PALM2AKAP2: variants seen among roughly 807,000 people sequenced by gnomAD.
PALM2AKAP2 encodes PALM2 and AKAP2 fusion.
Under a neutral mutation model 71.5 loss-of-function variants are expected in PALM2AKAP2, and 37 were observed. The observed-to-expected ratio is 0.52, with a 90% CI of 0.40 to 0.68. The LOEUF (loss-of-function observed/expected upper bound fraction) is 0.68, where lower values mean the gene tolerates loss of function less well. Among genes scored for constraint, PALM2AKAP2 ranks in the 30% least tolerant of loss-of-function variants. PALM2AKAP2 has a pLI of 0.00. For synonymous variants in PALM2AKAP2, 468 were observed against 478.8 expected, an observed-to-expected ratio of 0.98 and a Z score of 0.29; for missense variants, 1,224 against 1,191.8, an observed-to-expected ratio of 1.03 and a Z score of -0.40.
chr9:109,821,294 C>T (rs1827994291), intron 1 of PALM2AKAP2, among the ~76,000 whole-genome samples: 1 of 152,168 alleles, frequency 6.6e-6, no homozygotes, highest in Non-Finnish European at 1.5e-5. Flanking sequence ...AACAAACCTG[C>T]ACATTGTACA....
At chr9:110,075,853 A>G (rs1375828663) in intron 1 of PALM2AKAP2, among the ~76,000 whole-genome samples, 1 of 152,052 alleles carries the variant, frequency 6.6e-6, no homozygotes, top group African/African-American at 2.4e-5. Flanking sequence ...GACATGTTAT[A>G]TAATTTATAT....
At chr9:110,104,375 G>A (rs565038312) in intron 1 of PALM2AKAP2, among the ~76,000 whole-genome samples, 12 of 152,158 alleles carry the variant, frequency 7.9e-5, no homozygotes, top group African/African-American at 2.9e-4. Context: ...GCTACTGTAA[G>A]GGCAGTTCTT....
chr9:109,711,147 G>A (rs1193255601), intron 1 of PALM2AKAP2, among the ~76,000 whole-genome samples: 1 of 145,716 alleles, frequency 6.9e-6, no homozygotes, highest in Non-Finnish European at 1.5e-5. Context: ...AAGAGGGAAT[G>A]ACCTTGTTCT....
In PALM2AKAP2 at chr9:109,959,047, C is replaced by T. The variant is rs896165259; in HGVS notation, c.496+27019C>T. Among the ~76,000 whole-genome samples the T allele has an allele frequency of 3.3e-5, 5 of 152,246 alleles. No homozygotes were observed. The East Asian group carries it at 9.6e-4, about 29-fold the overall frequency. On this transcript the variant is annotated intron_variant, in intron 6 of 9. Transcript: ENST00000302798. ...CTTTCTCCTTGGAGACTTGGCAAACCCCCCCACCTTGAGGGAGAATACTGC... is the reference window on the plus strand; with the variant it reads ...CTTTCTCCTTGGAGACTTGGCAAACTCCCCCACCTTGAGGGAGAATACTGC...
intron 6 of PALM2AKAP2, among the ~76,000 whole-genome samples, chr9:109,938,155 T>C (rs960445060): frequency 6.6e-6 from 1 of 152,238 alleles, no homozygotes; most frequent in Admixed American, 6.5e-5. Flanking sequence ...TATTGGTTCA[T>C]ATGCACTCTA....
rs1831735655 is a variant in PALM2AKAP2 at position 109,955,810 on chromosome 9, A to G, written c.496+23782A>G. Among the ~76,000 whole-genome samples, 3 of 151,934 alleles carry G rather than the reference A, an allele frequency of 2.0e-5. No homozygotes were observed. The South Asian group carries it at 6.2e-4, about 32-fold the overall frequency. ...AAATTAGCTGGGTGTAGTGGTGCGTATCTGTGGTCCCAGCTATTCAGGAGG... is the reference window on the plus strand; with the variant it reads ...AAATTAGCTGGGTGTAGTGGTGCGTGTCTGTGGTCCCAGCTATTCAGGAGG... On this transcript the variant is annotated intron_variant, in intron 6 of 9. Transcript: ENST00000302798.
intron 1 of PALM2AKAP2, among the ~76,000 whole-genome samples, chr9:109,722,313 C>A (rs773221049): frequency 6.6e-6 from 1 of 152,150 alleles, no homozygotes; most frequent in Non-Finnish European, 1.5e-5. Context: ...TATCCAATTT[C>A]TTGTAATATG....
At chr9:109,676,620 C>T (rs1208463401) in intron 1 of PALM2AKAP2, among the ~76,000 whole-genome samples, 3 of 151,976 alleles carry the variant, frequency 2.0e-5, no homozygotes, top group African/African-American at 7.3e-5. Flanking sequence ...ATAGTTGAAA[C>T]CATGGATATA....
intron 6 of PALM2AKAP2, among the ~76,000 whole-genome samples, chr9:109,932,564 CAT>C (rs1335043749): frequency 6.6e-6 from 1 of 152,222 alleles, no homozygotes; most frequent in Non-Finnish European, 1.5e-5. Flanking sequence ...TTAAAGCACA[CAT>C]GTTACTTGCT....
At chr9:109,678,910 G>A (rs985006948) in intron 1 of PALM2AKAP2, among the ~76,000 whole-genome samples, 6 of 152,166 alleles carry the variant, frequency 3.9e-5, no homozygotes, top group Non-Finnish European at 8.8e-5. Context: ...GATACAACGT[G>A]CAAAGGCTTT....
chr9:109,809,645 G>A (rs1385139738), intron 1 of PALM2AKAP2, among the ~76,000 whole-genome samples: 1 of 152,190 alleles, frequency 6.6e-6, no homozygotes, highest in Non-Finnish European at 1.5e-5. Context: ...GGGACTATTG[G>A]GAAGGCATGT....
At chr9:109,708,206 A>T (rs940708557) in intron 1 of PALM2AKAP2, among the ~76,000 whole-genome samples, 14 of 152,152 alleles carry the variant, frequency 9.2e-5, no homozygotes, top group African/African-American at 3.4e-4. Flanking sequence ...GTATTTCCTG[A>T]TCACATCCAA....
At chr9:109,890,779 G>A (rs1830070387) in intron 3 of PALM2AKAP2, among the ~76,000 whole-genome samples, 1 of 152,162 alleles carries the variant, frequency 6.6e-6, no homozygotes, top group African/African-American at 2.4e-5. Context: ...AGAGAATGGA[G>A]GCCTAAATGT....
chr9:109,645,644 C>T (rs1242148537), intron 1 of PALM2AKAP2, among the ~76,000 whole-genome samples: 2 of 151,718 alleles, frequency 1.3e-5, no homozygotes, highest in East Asian at 1.9e-4. Flanking sequence ...AATGAGCTAA[C>T]TCAGAAACAG....
intron 1 of PALM2AKAP2, among the ~76,000 whole-genome samples, chr9:109,837,424 A>T (rs1365796043): frequency 2.6e-5 from 4 of 152,206 alleles, no homozygotes; most frequent in African/African-American, 9.6e-5. Context: ...CTGCAAAAAC[A>T]TGCCAAATTG....
intron 1 of PALM2AKAP2, among the ~76,000 whole-genome samples, chr9:109,649,415 G>C (rs1827195977): frequency 1.3e-5 from 2 of 152,066 alleles, no homozygotes; most frequent in Non-Finnish European, 2.9e-5. Context: ...TTAAGCAGCA[G>C]TTTCTAAGTA....
At chr9:110,086,536 G>T (rs958277317) in intron 1 of PALM2AKAP2, among the ~76,000 whole-genome samples, 2 of 152,160 alleles carry the variant, frequency 1.3e-5, no homozygotes, top group African/African-American at 4.8e-5. Context: ...TCTTGCTGGG[G>T]CTCCACTGAT....
chr9:109,802,629 C>T (rs1827464422), intron 1 of PALM2AKAP2, among the ~76,000 whole-genome samples: 1 of 152,170 alleles, frequency 6.6e-6, no homozygotes, highest in Non-Finnish European at 1.5e-5. Context: ...TCCTTTGCCT[C>T]CAGCCTGTCA....
intron 1 of PALM2AKAP2, among the ~76,000 whole-genome samples, chr9:109,788,173 C>T (rs1440090917): frequency 6.6e-6 from 1 of 152,210 alleles, no homozygotes; most frequent in Non-Finnish European, 1.5e-5. Flanking sequence ...AAGTCAGCAC[C>T]TTAATTTGGG....
Sources: gnomAD v4.1 joint callset for allele counts (sites outside exome capture counted in the v4.1 genomes callset) on GRCh38, gnomAD v4.1.1 for gene constraint, MANE v1.5 for transcripts, NCBI Gene and HGNC (gene_info 2026-07-23, HGNC 2026-07-21) for gene names.